The following GFOD1 variants were observed in gnomAD, a reference collection of about 807,000 sequenced individuals.
GFOD1 encodes the protein Gfo/Idh/MocA-like oxidoreductase domain containing 1.
In GFOD1, 9 loss-of-function variants were observed where a neutral mutation model predicts 25.4. The observed-to-expected ratio is 0.35, with a 90% CI of 0.21 to 0.62. GFOD1 has a LOEUF of 0.62. Ranked by LOEUF, GFOD1 falls within the 20% of genes least tolerant of loss-of-function variation. The probability of loss-of-function intolerance (pLI) is 0.72; values close to 1 mark genes in which losing one functional copy is unlikely to be tolerated. For synonymous variants in GFOD1, 253 were observed against 245.6 expected, an observed-to-expected ratio of 1.03 and a Z score of -0.28; for missense variants, 403 against 556.9, an observed-to-expected ratio of 0.72 and a Z score of 2.78.
At chr6:13,402,111 G>A (rs952553558) in intron 1 of GFOD1, among the ~76,000 whole-genome samples, 3 of 152,174 alleles carry the variant, frequency 2.0e-5, no homozygotes, top group African/African-American at 7.2e-5. Context: ...TTAACAAGTG[G>A]TGCTAGAACA....
chr6:13,442,196 A>C (rs747931790), intron 1 of GFOD1, among the ~76,000 whole-genome samples: 9 of 152,352 alleles, frequency 5.9e-5, no homozygotes, highest in Middle Eastern at 3.4e-3. Flanking sequence ...GGTACTGCTT[A>C]TGTTAATTAG....
intron 1 of GFOD1, among the ~76,000 whole-genome samples, chr6:13,373,930 A>G (rs1173857237): frequency 5.3e-5 from 8 of 152,188 alleles, no homozygotes; most frequent in Non-Finnish European, 1.0e-4. Context: ...TTCAATCCCC[A>G]TGAAAGTTCT....
intron 1 of GFOD1, among the ~76,000 whole-genome samples, chr6:13,422,414 C>T (rs1786275842): frequency 6.6e-6 from 1 of 152,118 alleles, no homozygotes; most frequent in Non-Finnish European, 1.5e-5. Context: ...CCAAGTGACA[C>T]TTAGTGTCCC....
At chr6:13,437,171 C>T (rs551398632) in intron 1 of GFOD1, among the ~76,000 whole-genome samples, 2 of 152,290 alleles carry the variant, frequency 1.3e-5, no homozygotes, top group South Asian at 4.1e-4. Flanking sequence ...CAAAGCCTCT[C>T]CCTGCTCTCA....
chr6:13,448,094 G>A (rs900349983), intron 1 of GFOD1, among the ~76,000 whole-genome samples: 49 of 152,174 alleles, frequency 3.2e-4, no homozygotes, highest in African/African-American at 1.1e-3. Context: ...GTGGTGCCCT[G>A]AACAGAGGCA....
At chr6:13,391,511 CA>C (rs57340590) in intron 1 of GFOD1, among the ~76,000 whole-genome samples, 33,152 of 109,384 alleles carry the variant, frequency 0.3, 3,690 homozygotes, top group Middle Eastern at 0.44. Context: ...AACAAACAAA[CA>C]AAAAAAAAAA....
At chr6:13,398,614 T>C (rs541119) in intron 1 of GFOD1, among the ~76,000 whole-genome samples, 144,198 of 152,286 alleles carry the variant, frequency 0.95, 68,799 homozygotes, top group East Asian at 1. Flanking sequence ...CATCGGGTGT[T>C]TAGTTTTGAT....
In GFOD1 at chr6:13,487,087, G is replaced by A; in HGVS notation, c.-197C>T. On this transcript the variant is annotated 5_prime_UTR_variant, in exon 1 of 2. Transcript: ENST00000379287. The surrounding 1 kb of genome is among the most constrained non-coding windows in gnomAD (Gnocchi z 4.9). ...GGCGGAGCAAGCTCGGGGCGCCTCA[G>A]AACGGTGACTGCGGCAGTGTCCGCC... 1.6e-6 allele frequency: 1 copy of A among 615,114 alleles called. No homozygotes were observed. Among genetic ancestry groups the A allele is most frequent in the South Asian group, 2.1e-5 (1 of 47,750 alleles). 38.1% of individuals were successfully genotyped at this position (615,114 alleles called of 1,614,324 possible). A position where few individuals can be genotyped will look rare whatever the true frequency, so the allele number is the denominator to read the frequency against.
At chr6:13,432,669 C>T (rs940103314) in intron 1 of GFOD1, among the ~76,000 whole-genome samples, 1 of 152,164 alleles carries the variant, frequency 6.6e-6, no homozygotes, top group Non-Finnish European at 1.5e-5. Flanking sequence ...CCTTACCTTG[C>T]TGTTATCACA....
Position 13,462,954 on chromosome 6 carries a change from A to C in GFOD1, c.253+23684T>G, listed in dbSNP as rs141628789. On this transcript the variant is annotated intron_variant, in intron 1 of 1. Coordinates refer to ENST00000379287, the MANE Select transcript of GFOD1 (RefSeq NM_018988.4). ...ATCTCCTGTTCAGGTTGCAAATGCC[A>C]TCCCAGAGCTCAGCAAGTCAGCGAA... Among the ~76,000 whole-genome samples the C allele has an allele frequency of 6.6e-5, 10 of 152,330 alleles. No individual in the cohort carries two copies. In the East Asian group the frequency reaches 1.7e-3, roughly 26 times the overall value.
intron 1 of GFOD1, among the ~76,000 whole-genome samples, chr6:13,474,277 G>T (rs1004959026): frequency 6.6e-6 from 1 of 152,174 alleles, no homozygotes; most frequent in Admixed American, 6.5e-5. Context: ...TACTGGGGAG[G>T]CTGAGGCAGG....
chr6:13,415,456 C>T (rs1362503246), intron 1 of GFOD1, among the ~76,000 whole-genome samples: 1 of 152,170 alleles, frequency 6.6e-6, no homozygotes, highest in Non-Finnish European at 1.5e-5. Context: ...TTGGCCTCTC[C>T]GGCTCAGAAC....
chr6:13,415,090 C>T (rs1051084966), intron 1 of GFOD1, among the ~76,000 whole-genome samples: 16 of 152,190 alleles, frequency 1.1e-4, no homozygotes, highest in African/African-American at 3.6e-4. Context: ...TCCCTGCTGG[C>T]AGGACCCCCT....
chr6:13,426,506 T>C (rs1311443509), intron 1 of GFOD1, among the ~76,000 whole-genome samples: 1 of 152,198 alleles, frequency 6.6e-6, no homozygotes, highest in Non-Finnish European at 1.5e-5. Context: ...TGCGTCACTG[T>C]CCTTTGGTCT....
rs772617484 is a variant in GFOD1 at position 13,364,800 on chromosome 6, G to A, written c.1116C>T (p.Ser372=). Reference sequence around the variant, plus strand: ...TGGCCTCGCTGATCAGGTAGGCGGGGCTCAGCTCCGGCTCCTCGGTCATGA... The same window carrying A: ...TGGCCTCGCTGATCAGGTAGGCGGGACTCAGCTCCGGCTCCTCGGTCATGA... ...IAIMTEEPEL[S]PAYLISEAMR... is the part of the protein sequence containing the mutation. Residue 372 remains serine (S), a synonymous_variant, in exon 2 of 2, where the codon AGC becomes AGT. Transcript: ENST00000379287. This position sits in a 1 kb window ranked among gnomAD's most constrained non-coding sequence, Gnocchi z 4.1. 1 of 1,613,956 alleles carries A rather than the reference G, an allele frequency of 6.2e-7. No homozygotes were observed. Among genetic ancestry groups the A allele is most frequent in the Non-Finnish European group, 8.5e-7 (1 of 1,180,028 alleles).
chr6:13,370,298 G>T (rs567683735), intron 1 of GFOD1, among the ~76,000 whole-genome samples: 1 of 152,294 alleles, frequency 6.6e-6, no homozygotes, highest in Non-Finnish European at 1.5e-5. Flanking sequence ...ATGCAACTCA[G>T]ACAGATGCAC....
intron 1 of GFOD1, among the ~76,000 whole-genome samples, chr6:13,397,024 T>C (rs977090361): frequency 3.9e-5 from 6 of 152,052 alleles, no homozygotes; most frequent in African/African-American, 1.4e-4. Flanking sequence ...TGATCACAGG[T>C]GTGCAGTGAC....
chr6:13,474,248 G>A (rs1452099969), intron 1 of GFOD1, among the ~76,000 whole-genome samples: 1 of 152,096 alleles, frequency 6.6e-6, no homozygotes, highest in Non-Finnish European at 1.5e-5. Context: ...GTGTGGTGGT[G>A]CATGCCTGTA....
In GFOD1 at chr6:13,430,367, G is replaced by A. The variant is rs1472364572; in HGVS notation, c.253+56271C>T. 6.6e-6 allele frequency among the ~76,000 whole-genome samples: 1 copy of A among 152,168 alleles called. No homozygotes were observed. Among genetic ancestry groups the A allele is most frequent in the East Asian group, 1.9e-4 (1 of 5,178 alleles). ...CAGGAGAATCACTTGAACCTGGGAGGCAGAGGTTGCAGTGATCCGAGATCA... is the reference window on the plus strand; with the variant it reads ...CAGGAGAATCACTTGAACCTGGGAGACAGAGGTTGCAGTGATCCGAGATCA... On this transcript the variant is annotated intron_variant, in intron 1 of 1. Transcript: ENST00000379287. The surrounding 1 kb of genome is among the most constrained non-coding windows in gnomAD (Gnocchi z 4.1).
Sources: allele counts gnomAD v4.1 joint callset (sites outside exome capture counted in the v4.1 genomes callset), GRCh38; gene constraint gnomAD v4.1.1; non-coding constraint Gnocchi (gnomAD v3.1); transcripts MANE v1.5; gene names NCBI Gene and HGNC (gene_info 2026-07-23, HGNC 2026-07-21).